EYS: variants seen among roughly 807,000 people sequenced by gnomAD.
EYS encodes protein eyes shut homolog.
In EYS, 250 loss-of-function variants were observed where a neutral mutation model predicts 282.1. That is an observed-to-expected ratio of 0.89 (90% CI 0.80 to 0.98). The LOEUF (loss-of-function observed/expected upper bound fraction) is 0.98, where lower values mean the gene tolerates loss of function less well. Among genes scored for constraint, EYS ranks in the 50% least tolerant of loss-of-function variants. The pLI is 0.00. For missense variants in EYS, 4,016 were observed against 3,709.0 expected, an observed-to-expected ratio of 1.08 and a Z score of -2.15; for synonymous variants, 1,355 against 1,282.9, an observed-to-expected ratio of 1.06 and a Z score of -1.20.
At chr6:63,815,174 AT>A (rs1475339933) in intron 36 of EYS, among the ~76,000 whole-genome samples, 1 of 152,214 alleles carries the variant, frequency 6.6e-6, no homozygotes, top group African/African-American at 2.4e-5. Context: ...AAAAATAGCA[AT>A]TATAGTATCT....
In EYS at chr6:63,907,376, AT is replaced by A. The variant is rs759398767; in HGVS notation, c.7056-43019del. On this transcript the variant is annotated intron_variant, in intron 35 of 42. Coordinates refer to ENST00000503581, the MANE Select transcript of EYS (RefSeq NM_001142800.2). ...CTGTGGGAGTGAGGGGATTGCTTCTATCCCCCATGATCCAAATCACTTTGGA... is the reference window on the plus strand; with the variant it reads ...CTGTGGGAGTGAGGGGATTGCTTCTACCCCCATGATCCAAATCACTTTGGA... Among the ~76,000 whole-genome samples, 3 of 152,086 alleles carry A rather than the reference AT, an allele frequency of 2.0e-5. No homozygotes were observed. In the East Asian group the frequency reaches 5.8e-4, roughly 29 times the overall value.
chr6:64,863,460 T>A (rs1766313553), intron 19 of EYS, among the ~76,000 whole-genome samples: 1 of 152,228 alleles, frequency 6.6e-6, no homozygotes, highest in South Asian at 2.1e-4. Flanking sequence ...TCACACTTTT[T>A]TTCTTCACAT....
chr6:64,781,276 C>T (rs558897487), intron 22 of EYS, among the ~76,000 whole-genome samples: 1 of 152,096 alleles, frequency 6.6e-6, no homozygotes, highest in East Asian at 1.9e-4. Context: ...CCACCACAGA[C>T]CTATTGAATC....
intron 26 of EYS, among the ~76,000 whole-genome samples, chr6:64,492,172 T>C (rs147083988): frequency 0.016 from 2,461 of 151,314 alleles, 23 homozygotes; most frequent in South Asian, 0.035. Flanking sequence ...AGTATGTAAT[T>C]GCTACATCAG....
chr6:65,006,452 A>G (rs575388866), intron 13 of EYS, among the ~76,000 whole-genome samples: 5 of 143,532 alleles, frequency 3.5e-5, no homozygotes, highest in Admixed American at 2.8e-4. Flanking sequence ...AGTAACTTTT[A>G]GAGGAAACCT....
intron 22 of EYS, among the ~76,000 whole-genome samples, chr6:64,636,148 A>G (rs996507794): frequency 6.6e-6 from 1 of 152,180 alleles, no homozygotes; most frequent in African/African-American, 2.4e-5. Context: ...CCTAAGCCAA[A>G]AGAACAAAGC....
chr6:64,190,185 T>C (rs1326273566), intron 31 of EYS, among the ~76,000 whole-genome samples: 2 of 152,132 alleles, frequency 1.3e-5, no homozygotes, highest in Non-Finnish European at 2.9e-5. Flanking sequence ...AACCATCTAG[T>C]ACAAACAACC....
chr6:64,606,175 A>G (rs1442312058), intron 24 of EYS, among the ~76,000 whole-genome samples: 3 of 152,074 alleles, frequency 2.0e-5, no homozygotes, highest in African/African-American at 7.2e-5. Flanking sequence ...CAATATACAC[A>G]TATTAAGTGC....
chr6:65,554,614 A>G (rs1411847), intron 2 of EYS, among the ~76,000 whole-genome samples: 83,451 of 151,890 alleles, frequency 0.55, 22,956 homozygotes, highest in East Asian at 0.71. Context: ...TTTACTTTCT[A>G]TCCTCTTCAC....
At chr6:65,675,651 GCAGGAAATCC>G (rs1768560421) in intron 1 of EYS, among the ~76,000 whole-genome samples, 1 of 151,780 alleles carries the variant, frequency 6.6e-6, no homozygotes, top group Non-Finnish European at 1.5e-5. Context: ...CATGATGATA[GCAGGAAATCC>G]CACACTCCCC....
At position 65,465,549 on chromosome 6, in the gene EYS, G is replaced by A. The variant is rs150626062; in HGVS notation, c.862+25045C>T. On this transcript the variant is annotated intron_variant, in intron 5 of 42. Transcript: ENST00000503581. ...TAATAGAATGAAATGGAAAAGAAGGGTAACATAAGTTAGAATTTATAGACA... is the reference window on the plus strand; with the variant it reads ...TAATAGAATGAAATGGAAAAGAAGGATAACATAAGTTAGAATTTATAGACA... Among the ~76,000 whole-genome samples the A allele has an allele frequency of 5.9e-5, 9 of 151,890 alleles. No individual in the cohort carries two copies. The East Asian group carries it at 1.7e-3, about 29-fold the overall frequency.
chr6:64,294,883 A>G (rs1013586156), intron 30 of EYS, among the ~76,000 whole-genome samples: 7 of 152,170 alleles, frequency 4.6e-5, no homozygotes, highest in African/African-American at 1.4e-4. Flanking sequence ...GTGTATGATG[A>G]AAAGGGGGGT....
At chr6:64,827,791 T>C (rs1391079098) in intron 19 of EYS, among the ~76,000 whole-genome samples, 1 of 151,852 alleles carries the variant, frequency 6.6e-6, no homozygotes, top group Admixed American at 6.6e-5. Context: ...GTAAAAGATT[T>C]CCAGATAGGC....
intron 12 of EYS, among the ~76,000 whole-genome samples, chr6:65,272,285 T>C (rs2150267141): frequency 6.6e-6 from 1 of 152,276 alleles, no homozygotes. Context: ...CTCTTTGAAC[T>C]GCTGAAAATA....
At chr6:65,480,131 C>T (rs1192724820) in intron 5 of EYS, among the ~76,000 whole-genome samples, 2 of 152,082 alleles carry the variant, frequency 1.3e-5, no homozygotes, top group African/African-American at 2.4e-5. Flanking sequence ...CACCACTGCA[C>T]TCCAGCCTGG....
At chr6:64,062,165 C>G (rs1212034735) in intron 33 of EYS, among the ~76,000 whole-genome samples, 2 of 152,058 alleles carry the variant, frequency 1.3e-5, no homozygotes, top group Non-Finnish European at 2.9e-5. Flanking sequence ...TACCAAAAGA[C>G]CTTTAAATTC....
At chr6:65,001,893 T>G (rs2150127990) in intron 13 of EYS, among the ~76,000 whole-genome samples, 1 of 147,340 alleles carries the variant, frequency 6.8e-6, no homozygotes, top group Admixed American at 6.8e-5. Flanking sequence ...TATTATGAAA[T>G]ACATTAATAT....
chr6:63,777,479 C>T (rs1367089316), intron 40 of EYS: 2 of 152,764 alleles, frequency 1.3e-5, no homozygotes, highest in African/African-American at 4.8e-5. Flanking sequence ...TTAGCATATT[C>T]CCAGAACCCC....
chr6:65,026,405 C>T (rs962420934), intron 13 of EYS, among the ~76,000 whole-genome samples: 1 of 152,022 alleles, frequency 6.6e-6, no homozygotes, highest in South Asian at 2.1e-4. Flanking sequence ...GAAGGAAATG[C>T]ATTCCAGGCC....
Sources: gnomAD v4.1 joint callset for allele counts (sites outside exome capture counted in the v4.1 genomes callset) on GRCh38, gnomAD v4.1.1 for gene constraint, MANE v1.5 for transcripts, NCBI Gene and HGNC (gene_info 2026-07-23, HGNC 2026-07-21) for gene names.